Variants in MBD5 observed in about 807,000 individuals in gnomAD.
MBD5 encodes the protein methyl-CpG-binding domain protein 5.
A neutral mutation model predicts 117.3 loss-of-function variants in MBD5; 13 were observed. The ratio of observed to expected loss-of-function variants is 0.11; its 90% CI spans 0.07 to 0.18. MBD5 has a LOEUF of 0.18. Among genes scored for constraint, MBD5 ranks in the 10% least tolerant of loss-of-function variants. MBD5 has a pLI of 1.00. For missense variants in MBD5, 1,879 were observed against 2,093.8 expected, an observed-to-expected ratio of 0.90 and a Z score of 2.00; for synonymous variants, 727 against 766.4, an observed-to-expected ratio of 0.95 and a Z score of 0.85.
At chr2:148,404,140 C>G (rs1187385764) in intron 4 of MBD5, among the ~76,000 whole-genome samples, 2 of 121,246 alleles carry the variant, frequency 1.6e-5, no homozygotes, top group African/African-American at 5.8e-5. Flanking sequence ...TTTTTTTTTT[C>G]TTGTTGCATC....
intron 2 of MBD5, among the ~76,000 whole-genome samples, chr2:148,210,752 C>T (rs115852498): frequency 0.012 from 1,816 of 151,738 alleles, 39 homozygotes; most frequent in African/African-American, 0.042. Context: ...GTAATGTAAA[C>T]GTTTTATCTT....
rs1274583803 is a variant in MBD5, at chr2:148,227,276, G to T, written c.-830-5969G>T. On this transcript the variant is annotated intron_variant, in intron 2 of 13. Transcript: ENST00000642680. ...AACATGTAAGTCTTTAATCCATCTTGAATTAATTTTTGTATAAGGTGTAAG... is the reference window on the plus strand; with the variant it reads ...AACATGTAAGTCTTTAATCCATCTTTAATTAATTTTTGTATAAGGTGTAAG... Among the ~76,000 whole-genome samples the T allele has an allele frequency of 7.2e-5, 11 of 152,110 alleles. 1 individual carries two copies. The highest frequency in any genetic ancestry group is 2.6e-4 in the Admixed American group (4 of 15,260).
intron 4 of MBD5, among the ~76,000 whole-genome samples, chr2:148,367,931 G>C (rs547228936): frequency 3.3e-4 from 50 of 152,188 alleles, no homozygotes; most frequent in African/African-American, 1.2e-3. Flanking sequence ...ATTCCTCAAG[G>C]ATCTAAACCA....
intron 1 of MBD5, among the ~76,000 whole-genome samples, chr2:148,156,159 A>C (rs1335409954): frequency 1.3e-5 from 2 of 152,262 alleles, no homozygotes; most frequent in Non-Finnish European, 2.9e-5. Flanking sequence ...TGGTTGACCA[A>C]AACGATAATT....
At chr2:148,242,891 A>G (rs1442379263) in intron 3 of MBD5, among the ~76,000 whole-genome samples, 1 of 152,278 alleles carries the variant, frequency 6.6e-6, no homozygotes, top group Non-Finnish European at 1.5e-5. Context: ...TGTTATTTTT[A>G]AGCAGTGCAT....
intron 3 of MBD5, among the ~76,000 whole-genome samples, chr2:148,291,249 G>C (rs570461894): frequency 6.6e-6 from 1 of 152,284 alleles, no homozygotes; most frequent in East Asian, 1.9e-4. Flanking sequence ...AGCTAGCTGG[G>C]AGTTTGATAG....
At chr2:148,225,246 G>A (rs1699792362) in intron 2 of MBD5, among the ~76,000 whole-genome samples, 2 of 151,942 alleles carry the variant, frequency 1.3e-5, no homozygotes, top group African/African-American at 2.4e-5. Flanking sequence ...CAAGAGGTTT[G>A]CAAATACTAT....
chr2:148,365,562 A>G (rs79819684), intron 4 of MBD5, among the ~76,000 whole-genome samples: 1 of 152,202 alleles, frequency 6.6e-6, no homozygotes, highest in Admixed American at 6.5e-5. Flanking sequence ...AAAGATTAAC[A>G]AAATACATAG....
intron 2 of MBD5, among the ~76,000 whole-genome samples, chr2:148,196,431 G>A (rs1232395812): frequency 1.3e-5 from 2 of 152,028 alleles, no homozygotes; most frequent in Non-Finnish European, 2.9e-5. Context: ...AACTATATGA[G>A]GGAAGCATTC....
intron 4 of MBD5, among the ~76,000 whole-genome samples, chr2:148,345,439 GT>G (rs1703079009): frequency 1.3e-5 from 1 of 75,076 alleles, no homozygotes; most frequent in East Asian, 3.1e-4. Flanking sequence ...ATATACATAT[GT>G]ATATACACAT....
chr2:148,254,917 C>G (rs1201988868), intron 3 of MBD5, among the ~76,000 whole-genome samples: 1 of 152,198 alleles, frequency 6.6e-6, no homozygotes, highest in Non-Finnish European at 1.5e-5. Flanking sequence ...GTGGGTCTTG[C>G]AGTGTCCTTT....
At chr2:148,484,496 TG>T (rs1051712283) in intron 9 of MBD5, among the ~76,000 whole-genome samples, 25 of 152,350 alleles carry the variant, frequency 1.6e-4, no homozygotes, top group African/African-American at 6.0e-4. Context: ...GAATTTTAGT[TG>T]GTGTGGCATC....
Position 148,515,256 on chromosome 2 carries a change from C to G in MBD5, c.*2315C>G, listed in dbSNP as rs1342417554. 6.6e-6 allele frequency: 1 copy of G among 152,076 alleles called. No homozygotes were observed. Among genetic ancestry groups the G allele is most frequent in the Non-Finnish European group, 1.5e-5 (1 of 68,008 alleles). 9.4% of individuals were successfully genotyped at this position (152,076 alleles called of 1,614,324 possible). ...TCAGGCTGAGTTTGTGTTGACCAAG[C>G]CTTCTTTTTGGTATTTTGAGCTAAT... On this transcript the variant is annotated 3_prime_UTR_variant, in exon 14 of 14. Transcript: ENST00000642680.
At chr2:148,283,813 CACAA>C (rs1234049705) in intron 3 of MBD5, among the ~76,000 whole-genome samples, 2 of 152,190 alleles carry the variant, frequency 1.3e-5, no homozygotes, top group Non-Finnish European at 2.9e-5. Context: ...AAAGTTAGCA[CACAA>C]ACATAGCTAC....
At position 148,458,765 on chromosome 2, in the gene MBD5, G is replaced by A. The variant is rs1706962799; in HGVS notation, c.7G>A (p.Gly3Arg). The A allele has an allele frequency of 6.2e-7, 1 of 1,613,002 alleles. No individual in the cohort carries two copies. Among genetic ancestry groups the A allele is most frequent in the Non-Finnish European group, 8.5e-7 (1 of 1,179,172 alleles). Residue 3 changes from glycine (G) to arginine (R), a missense_variant, in exon 5 of 14, where the codon GGA becomes AGA. Physicochemically the swap from Gly to Arg is moderately radical, Grantham distance 125. Coordinates refer to ENST00000642680, the MANE Select transcript of MBD5 (RefSeq NM_001378120.1). MN[G>R]GKECDGGDKE... Reference sequence around the variant, plus strand: ...TCCCTAGCAGACACAGAAAATGAATGGAGGCAAAGAGTGTGACGGAGGGGA... The same window carrying A: ...TCCCTAGCAGACACAGAAAATGAATAGAGGCAAAGAGTGTGACGGAGGGGA...
At chr2:148,333,888 C>G (rs1373146116) in intron 3 of MBD5, among the ~76,000 whole-genome samples, 2 of 151,936 alleles carry the variant, frequency 1.3e-5, no homozygotes, top group African/African-American at 4.8e-5. Context: ...GTTCAAGAAC[C>G]TCCTATTTTA....
At position 148,463,937 on chromosome 2, in the gene MBD5, AG is replaced by A; in HGVS notation, c.397+20del. ...AGGAACAAGTATGTAATATGGTGAA[AG>A]GTTCAGGAATTCTCCTCTCCCTAGA... On this transcript the variant is annotated intron_variant, in intron 7 of 13. Coordinates refer to ENST00000642680, the MANE Select transcript of MBD5 (RefSeq NM_001378120.1). 6.2e-7 allele frequency: 1 copy of A among 1,612,202 alleles called. No individual in the cohort carries two copies. Among genetic ancestry groups the A allele is most frequent in the Non-Finnish European group, 8.5e-7 (1 of 1,178,880 alleles).
intron 1 of MBD5, among the ~76,000 whole-genome samples, chr2:148,171,487 A>G (rs963780728): frequency 1.3e-5 from 2 of 152,198 alleles, no homozygotes; most frequent in Non-Finnish European, 2.9e-5. Context: ...CACAATAAAG[A>G]CTATGTATGA....
intron 2 of MBD5, among the ~76,000 whole-genome samples, chr2:148,194,750 T>TA (rs1293522520): frequency 2.4e-5 from 1 of 41,378 alleles, no homozygotes; most frequent in Non-Finnish European, 5.1e-5. Flanking sequence ...CCCTAAAACT[T>TA]AGAGTATAAT....
Sources: gnomAD v4.1 joint callset for allele counts (sites outside exome capture counted in the v4.1 genomes callset) on GRCh38, gnomAD v4.1.1 for gene constraint, MANE v1.5 for transcripts, NCBI Gene and HGNC (gene_info 2026-07-23, HGNC 2026-07-21) for gene names.